Variants in GPHN observed in about 807,000 individuals in gnomAD.
GPHN encodes the protein gephyrin.
In GPHN, 17 loss-of-function variants were observed where a neutral mutation model predicts 95.5. That is an observed-to-expected ratio of 0.18 (90% CI 0.12 to 0.27). The LOEUF is 0.27. Among genes scored for constraint, GPHN ranks in the 10% least tolerant of loss-of-function variants. The probability of loss-of-function intolerance (pLI) is 1.00; values close to 1 mark genes in which losing one functional copy is unlikely to be tolerated. For missense variants in GPHN, 660 were observed against 978.1 expected, an observed-to-expected ratio of 0.67 and a Z score of 4.34; for synonymous variants, 320 against 322.5, an observed-to-expected ratio of 0.99 and a Z score of 0.08.
At chr14:67,397,587 C>A in the GPHN span, 3 of 1,297,558 alleles carry the variant, frequency 2.3e-6, no homozygotes, top group East Asian at 2.4e-5. Flanking sequence ...CCTACCCACA[C>A]CACTTTCCCA....
In GPHN at chr14:66,690,762, TC is replaced by T. The variant is rs529120038; in HGVS notation, c.143+9578del. ...TATCTTTATCATTATGTAATGACCT[TC>T]TTTGTTTCTTTTTAGTTGTTTTTTG... On this transcript the variant is annotated intron_variant, in intron 2 of 22. Coordinates refer to ENST00000478722, the MANE Select transcript of GPHN (RefSeq NM_020806.5). 2.4e-3 allele frequency among the ~76,000 whole-genome samples: 367 copies of T among 152,316 alleles called. 4 individuals carry two copies. The highest frequency in any genetic ancestry group is 8.3e-3 in the African/African-American group (345 of 41,580).
At chr14:67,233,475 A>G in the GPHN span, among the ~76,000 whole-genome samples, 1 of 152,218 alleles carries the variant, frequency 6.6e-6, no homozygotes, top group African/African-American at 2.4e-5. Flanking sequence ...ATGAGAAGGT[A>G]GGGCTTTTCC....
At chr14:67,153,312 G>A (rs547642515) in intron 18 of GPHN, among the ~76,000 whole-genome samples, 21 of 152,294 alleles carry the variant, frequency 1.4e-4, no homozygotes, top group Middle Eastern at 3.4e-3. Context: ...AATGGGTGGC[G>A]TAAACATTTA....
rs188660814 is a variant in GPHN, at chr14:66,691,205, A to G, written c.143+10020A>G. On this transcript the variant is annotated intron_variant, in intron 2 of 22. Transcript: ENST00000478722. ...ATTTTTATTTTTTTTTTTTATTTTT[A>G]GATGGAGTCTCACTCTGTCACCAGG... Among the ~76,000 whole-genome samples, 181 of 151,360 alleles carry G rather than the reference A, an allele frequency of 1.2e-3. 8 individuals carry two copies. The East Asian group carries it at 0.019, about 16-fold the overall frequency.
At chr14:67,708,941 C>T in the GPHN span, among the ~76,000 whole-genome samples, 9 of 151,852 alleles carry the variant, frequency 5.9e-5, no homozygotes, top group Non-Finnish European at 8.8e-5. Context: ...TACAGGCATG[C>T]GCCACCACAC....
In GPHN at chr14:66,508,354, C is replaced by CT; in HGVS notation, c.-173dup. On this transcript the variant is annotated 5_prime_UTR_variant, in exon 1 of 23. Coordinates refer to ENST00000478722, the MANE Select transcript of GPHN (RefSeq NM_020806.5). ...GACCCGCGCACTCCCGGCGCGGCCT[C>CT]TCCCCCACGCAGGCCACCGTGCACT... 2 of 668,778 alleles carry CT rather than the reference C, an allele frequency of 3.0e-6. No individual in the cohort carries two copies. Among genetic ancestry groups the CT allele is most frequent in the Non-Finnish European group, 5.3e-6 (2 of 374,516 alleles). The allele number at this position is 668,778 out of a possible 1,614,324, so 41.4% of individuals were successfully genotyped here.
the GPHN span, among the ~76,000 whole-genome samples, chr14:67,673,367 A>C: frequency 1.3e-5 from 2 of 152,130 alleles, no homozygotes; most frequent in African/African-American, 4.8e-5. Context: ...ATAAATAATA[A>C]AATAAAACTG....
At chr14:67,093,587 T>C (rs1473744223) in intron 12 of GPHN, among the ~76,000 whole-genome samples, 1 of 152,112 alleles carries the variant, frequency 6.6e-6, no homozygotes, top group Non-Finnish European at 1.5e-5. Flanking sequence ...TAATTTAGTT[T>C]AGTTAATTCC....
At chr14:67,209,819 GAA>G in the GPHN span, among the ~76,000 whole-genome samples, 3 of 76,924 alleles carry the variant, frequency 3.9e-5, no homozygotes, top group African/African-American at 1.0e-4. Context: ...CTCCATCTCG[GAA>G]AAAAAAAAAA....
chr14:67,624,918 C>A, the GPHN span, among the ~76,000 whole-genome samples: 2 of 152,222 alleles, frequency 1.3e-5, no homozygotes, highest in Non-Finnish European at 2.9e-5. Flanking sequence ...CCCAGATCAG[C>A]TGTAGCCTGG....
the GPHN span, chr14:67,570,094 T>C: frequency 2.4e-5 from 24 of 987,612 alleles, 1 homozygote; most frequent in Non-Finnish European, 3.8e-5. Flanking sequence ...GGCGGGGCTC[T>C]AGGGCCAGGC....
chr14:66,837,710 A>G (rs1386219929), intron 4 of GPHN, among the ~76,000 whole-genome samples: 1 of 151,642 alleles, frequency 6.6e-6, no homozygotes. Flanking sequence ...TAAAGAGGGA[A>G]GAGTACATTG....
chr14:67,267,843 A>G, the GPHN span, among the ~76,000 whole-genome samples: 1 of 152,194 alleles, frequency 6.6e-6, no homozygotes, highest in African/African-American at 2.4e-5. Flanking sequence ...AAATGGAATC[A>G]TACTCGTGTC....
chr14:67,423,980 G>A, the GPHN span, among the ~76,000 whole-genome samples: 1 of 152,242 alleles, frequency 6.6e-6, no homozygotes, highest in Non-Finnish European at 1.5e-5. Flanking sequence ...GCTCATGCCT[G>A]TAATCCCAGC....
the GPHN span, chr14:67,221,994 C>T: frequency 1.6e-6 from 1 of 639,620 alleles, no homozygotes; most frequent in Non-Finnish European, 2.5e-6. Flanking sequence ...AAAGCCGATC[C>T]TCAGGCTATC....
the GPHN span, among the ~76,000 whole-genome samples, chr14:67,644,859 A>C: frequency 6.6e-6 from 1 of 152,098 alleles, no homozygotes; most frequent in Non-Finnish European, 1.5e-5. Context: ...TTAGCCAGGC[A>C]TGGTGGCATG....
chr14:66,940,230 G>GAAA (rs113466568), intron 8 of GPHN, among the ~76,000 whole-genome samples: 4 of 144,920 alleles, frequency 2.8e-5, no homozygotes, highest in African/African-American at 5.0e-5. Context: ...AAGGAAAAAG[G>GAAA]AAAAAAAAAA....
the GPHN span, among the ~76,000 whole-genome samples, chr14:67,361,192 A>C: frequency 6.6e-6 from 1 of 152,198 alleles, no homozygotes; most frequent in African/African-American, 2.4e-5. Flanking sequence ...CTTTATCCTC[A>C]AAACTTAGGC....
intron 2 of GPHN, among the ~76,000 whole-genome samples, chr14:66,720,524 C>G (rs967236168): frequency 2.0e-5 from 3 of 152,160 alleles, no homozygotes; most frequent in Non-Finnish European, 2.9e-5. Context: ...AGCCAAGAGT[C>G]TAAGCCAAAT....
Sources: gnomAD v4.1 joint callset for allele counts (sites outside exome capture counted in the v4.1 genomes callset) on GRCh38, gnomAD v4.1.1 for gene constraint, MANE v1.5 for transcripts, NCBI Gene and HGNC (gene_info 2026-07-23, HGNC 2026-07-21) for gene names.